The following MAF variants were observed in gnomAD, a reference collection of about 807,000 sequenced individuals.
MAF encodes the protein transcription factor Maf.
MAF carries 10 observed loss-of-function variants against 22.0 expected under a neutral mutation model. That is an observed-to-expected ratio of 0.45 (90% CI 0.28 to 0.77). The LOEUF is 0.77. MAF is among the 30% of genes least tolerant of loss of function. The pLI is 0.12. For synonymous variants in MAF, 337 were observed against 255.8 expected, an observed-to-expected ratio of 1.32 and a Z score of -3.03; for missense variants, 544 against 548.4, an observed-to-expected ratio of 0.99 and a Z score of 0.08.
chr16:79,241,735 T>C, the MAF span, among the ~76,000 whole-genome samples: 4 of 151,384 alleles, frequency 2.6e-5, no homozygotes, highest in Non-Finnish European at 5.9e-5. Flanking sequence ...CCAAGACACA[T>C]GCTTATCAGA....
chr16:79,337,305 C>G, the MAF span, among the ~76,000 whole-genome samples: 1 of 152,296 alleles, frequency 6.6e-6, no homozygotes, highest in South Asian at 2.1e-4. Context: ...GGCATGGTGG[C>G]TCACACCTGT....
the MAF span, among the ~76,000 whole-genome samples, chr16:79,251,130 C>G: frequency 6.6e-5 from 10 of 152,100 alleles, no homozygotes; most frequent in Admixed American, 6.5e-4. Context: ...GTGCTTATTT[C>G]AAAGTTTCTT....
At chr16:79,547,878 G>A in the MAF span, among the ~76,000 whole-genome samples, 5 of 124,428 alleles carry the variant, frequency 4.0e-5, no homozygotes, top group Admixed American at 2.4e-4. Flanking sequence ...GTGTGTGTGT[G>A]TGCGTGTGTG....
At chr16:79,588,333 C>T (rs1912982848) in intron 1 of MAF, among the ~76,000 whole-genome samples, 1 of 152,216 alleles carries the variant, frequency 6.6e-6, no homozygotes, top group Admixed American at 6.5e-5. Flanking sequence ...TCAGCCCAGG[C>T]TCTGCGCATG....
the MAF span, among the ~76,000 whole-genome samples, chr16:79,347,394 A>G: frequency 6.6e-6 from 1 of 152,206 alleles, no homozygotes; most frequent in African/African-American, 2.4e-5. Flanking sequence ...AGTCTCGGTC[A>G]TACCATTTGC....
chr16:79,240,079 G>C, the MAF span, among the ~76,000 whole-genome samples: 2 of 151,854 alleles, frequency 1.3e-5, no homozygotes, highest in Non-Finnish European at 2.9e-5. Context: ...GAACATCAAA[G>C]GGCTGGGCAA....
At chr16:79,550,337 G>GGAGA in the MAF span, among the ~76,000 whole-genome samples, 5 of 150,214 alleles carry the variant, frequency 3.3e-5, no homozygotes, top group East Asian at 5.8e-4. Flanking sequence ...TAGGGGGAAA[G>GGAGA]GAGAGAGAGA....
the MAF span, among the ~76,000 whole-genome samples, chr16:79,575,653 G>A: frequency 6.6e-6 from 1 of 152,176 alleles, no homozygotes; most frequent in Non-Finnish European, 1.5e-5. Context: ...TCTGGAGGTA[G>A]AACAAAGCAG....
At chr16:79,278,187 G>T in the MAF span, among the ~76,000 whole-genome samples, 1 of 152,214 alleles carries the variant, frequency 6.6e-6, no homozygotes, top group South Asian at 2.1e-4. Flanking sequence ...AGACAGTCTC[G>T]GGAAATGGGA....
chr16:79,281,670 T>C, the MAF span, among the ~76,000 whole-genome samples: 2 of 150,548 alleles, frequency 1.3e-5, no homozygotes, highest in Non-Finnish European at 2.9e-5. Flanking sequence ...TTCTTCAGCC[T>C]CCTCAGTAGC....
the MAF span, chr16:79,212,930 CTAT>C: frequency 6.6e-6 from 1 of 151,968 alleles, no homozygotes; most frequent in Non-Finnish European, 1.5e-5. Context: ...AGAAAAATGA[CTAT>C]TGTTTCATTT....
chr16:79,439,607 A>G, the MAF span, among the ~76,000 whole-genome samples: 2 of 152,088 alleles, frequency 1.3e-5, no homozygotes, highest in East Asian at 3.9e-4. Flanking sequence ...TAAGAAAACA[A>G]AGGTTCCAAG....
the MAF span, among the ~76,000 whole-genome samples, chr16:79,226,268 C>G: frequency 2.4e-4 from 36 of 152,250 alleles, no homozygotes; most frequent in African/African-American, 7.9e-4. Context: ...TCTCAGCAAA[C>G]CAACACAAGA....
At chr16:79,580,759 C>G in the MAF span, among the ~76,000 whole-genome samples, 1 of 151,726 alleles carries the variant, frequency 6.6e-6, no homozygotes, top group East Asian at 1.9e-4. Context: ...AGCCTGTGCA[C>G]TTTTCATTTT....
chr16:79,536,972 TAG>T, the MAF span, among the ~76,000 whole-genome samples: 1 of 152,140 alleles, frequency 6.6e-6, no homozygotes, highest in Non-Finnish European at 1.5e-5. Context: ...ATAGTGTCAG[TAG>T]AGAGACCTTT....
At chr16:79,459,000 G>A in the MAF span, among the ~76,000 whole-genome samples, 1 of 152,022 alleles carries the variant, frequency 6.6e-6, no homozygotes, top group Non-Finnish European at 1.5e-5. Context: ...AGATTTCCTG[G>A]GAAGAAAATG....
At chr16:79,355,856 A>G in the MAF span, among the ~76,000 whole-genome samples, 7 of 152,098 alleles carry the variant, frequency 4.6e-5, no homozygotes, top group East Asian at 1.9e-4. Flanking sequence ...CCCTCTGTCA[A>G]TATTCCCAGA....
the MAF span, among the ~76,000 whole-genome samples, chr16:79,314,585 C>G: frequency 2.0e-5 from 3 of 152,158 alleles, no homozygotes; most frequent in South Asian, 6.2e-4. Context: ...TACATTTTCC[C>G]AGTCAAGTGA....
chr16:79,559,575 G>C, the MAF span, among the ~76,000 whole-genome samples: 1 of 151,932 alleles, frequency 6.6e-6, no homozygotes, highest in Non-Finnish European at 1.5e-5. Context: ...CTGTTTTATT[G>C]ACTTGTCACT....
Sources: allele counts gnomAD v4.1 joint callset (sites outside exome capture counted in the v4.1 genomes callset), GRCh38; gene constraint gnomAD v4.1.1; transcripts MANE v1.5; gene names NCBI Gene and HGNC (gene_info 2026-07-23, HGNC 2026-07-21).